The following REPS1 variants were observed in gnomAD, a reference collection of about 807,000 sequenced individuals.
The protein encoded by REPS1 is RALBP1 associated Eps domain containing 1, also known as ralBP1-associated Eps domain-containing protein 1.
Under a neutral mutation model 100.9 loss-of-function variants are expected in REPS1, and 39 were observed. The ratio of observed to expected loss-of-function variants is 0.39; its 90% CI spans 0.30 to 0.50. The LOEUF is 0.50. Among genes scored for constraint, REPS1 ranks in the 20% least tolerant of loss-of-function variants. The probability of loss-of-function intolerance (pLI) is 0.86; values close to 1 mark genes in which losing one functional copy is unlikely to be tolerated. For synonymous variants in REPS1, 324 were observed against 340.3 expected, an observed-to-expected ratio of 0.95 and a Z score of 0.53; for missense variants, 821 against 968.5, an observed-to-expected ratio of 0.85 and a Z score of 2.02.
chr6:138,912,651 T>G (rs574874078), intron 16 of REPS1, 114 bp downstream of exon 16: 1 of 983,748 alleles, frequency 1.0e-6, no homozygotes, highest in Admixed American at 1.9e-5. Context: ...TGAGAAGCAC[T>G]GACCCAGGGA....
At chr6:138,916,206 ATTTCTTTT>A (rs1477341736) in intron 13 of REPS1, 17 of 386,596 alleles carry the variant, frequency 4.4e-5, no homozygotes, top group African/African-American at 2.4e-4. Context: ...ATTAAGCAAA[ATTTCTTTT>A]TTTCTTTTTT....
At chr6:138,948,727 A>C (rs1782798405) in intron 1 of REPS1, among the ~76,000 whole-genome samples, 1 of 152,222 alleles carries the variant, frequency 6.6e-6, no homozygotes, top group South Asian at 2.1e-4. Flanking sequence ...AAATAACACA[A>C]ACTTTTGTAT....
At chr6:138,975,102 C>G (rs538605172) in intron 1 of REPS1, among the ~76,000 whole-genome samples, 1 of 152,270 alleles carries the variant, frequency 6.6e-6, no homozygotes, top group Non-Finnish European at 1.5e-5. Context: ...CTACTACTCT[C>G]AAGCTTTCAA....
intron 1 of REPS1, among the ~76,000 whole-genome samples, chr6:138,983,514 C>G (rs531421363): frequency 2.0e-5 from 3 of 151,974 alleles, no homozygotes; most frequent in Non-Finnish European, 4.4e-5. Flanking sequence ...AAGGTTGTTG[C>G]AAGAATCAAA....
chr6:138,973,935 C>A (rs1784466188), intron 1 of REPS1, among the ~76,000 whole-genome samples: 1 of 152,064 alleles, frequency 6.6e-6, no homozygotes, highest in Non-Finnish European at 1.5e-5. Flanking sequence ...CAAATATTCA[C>A]TACTGACAAT....
intron 9 of REPS1, chr6:138,928,114 G>T (rs1170814303): frequency 6.6e-6 from 1 of 152,202 alleles, no homozygotes; most frequent in Non-Finnish European, 1.5e-5. Context: ...TGGAATCCCA[G>T]TTACGCTGTG....
chr6:138,919,076 T>C (rs1416086552), intron 12 of REPS1, among the ~76,000 whole-genome samples: 1 of 152,210 alleles, frequency 6.6e-6, no homozygotes, highest in Admixed American at 6.5e-5. Context: ...GTTTAAAGCA[T>C]ATGAAACTGA....
At chr6:138,954,214 A>G (rs1044158709) in intron 1 of REPS1, among the ~76,000 whole-genome samples, 3 of 152,168 alleles carry the variant, frequency 2.0e-5, no homozygotes, top group Non-Finnish European at 4.4e-5. Context: ...AGATTTGTTA[A>G]GGGACACAAA....
Position 138,945,368 on chromosome 6 carries a change from G to T in REPS1, c.479C>A (p.Pro160His). 8.8e-6 allele frequency: 14 copies of T among 1,598,294 alleles called. No homozygotes were observed. The highest frequency in any genetic ancestry group is 1.2e-5 in the Non-Finnish European group (14 of 1,175,326). Residue 160 changes from proline to histidine, a missense_variant, in exon 4 of 20, where the codon CCT becomes CAT. Pro to His is a moderately conservative substitution (Grantham distance 77). Coordinates refer to ENST00000450536, the MANE Select transcript of REPS1 (RefSeq NM_001286611.2). Reference protein sequence around the residue: ...QPRTSADAQEPASPVVSPQQS... With the variant: ...QPRTSADAQEHASPVVSPQQS... ...CTGTGGTGAAACTACTGGGGATGCA[G>T]GTTCCTAGAAAAGAATATTATTTTA...
At chr6:138,944,144 T>C (rs1582793161) in intron 5 of REPS1, 129 bp from the exon 6 acceptor site, 1 of 769,426 alleles carries the variant, frequency 1.3e-6, no homozygotes, top group East Asian at 2.7e-5. Context: ...AAACCACACA[T>C]CTGTTACAGT....
chr6:138,923,044 A>AACC (rs1780882884), intron 10 of REPS1, among the ~76,000 whole-genome samples: 1 of 152,228 alleles, frequency 6.6e-6, no homozygotes, highest in Admixed American at 6.5e-5. Context: ...GGGTTCATGT[A>AACC]CTTAACCAAT....
intron 1 of REPS1, among the ~76,000 whole-genome samples, chr6:138,978,293 C>CT (rs548789057): frequency 0.11 from 15,513 of 142,168 alleles, 1,042 homozygotes; most frequent in East Asian, 0.22. Context: ...TTTTCCTTTT[C>CT]TTTTTTTTTT....
chr6:138,906,353 C>A (rs1413539022), intron 19 of REPS1, among the ~76,000 whole-genome samples: 1 of 152,154 alleles, frequency 6.6e-6, no homozygotes, highest in Non-Finnish European at 1.5e-5. Flanking sequence ...AAATGCCTAA[C>A]ATACTAGGTT....
At chr6:138,931,215 T>C (rs1198075570) in intron 8 of REPS1, among the ~76,000 whole-genome samples, 1 of 152,198 alleles carries the variant, frequency 6.6e-6, no homozygotes, top group East Asian at 1.9e-4. Context: ...TAAATAGACA[T>C]CCATATAATA....
chr6:138,938,219 T>C (rs1781986051), intron 8 of REPS1, among the ~76,000 whole-genome samples: 1 of 152,290 alleles, frequency 6.6e-6, no homozygotes, highest in South Asian at 2.1e-4. Flanking sequence ...CTATGAACCT[T>C]AGTAGTTCTA....
At chr6:138,960,711 T>C (rs1416613760) in intron 1 of REPS1, among the ~76,000 whole-genome samples, 4 of 152,206 alleles carry the variant, frequency 2.6e-5, no homozygotes, top group Non-Finnish European at 5.9e-5. Flanking sequence ...TTGATGATTA[T>C]TCTTCGATAC....
Position 138,945,348 on chromosome 6 carries a change from G to A in REPS1, c.499C>T (p.Pro167Ser), listed in dbSNP as rs141213635. The change falls in exon 4 of 20, where the codon CCA becomes TCA. Residue 167 changes from proline to serine, a missense_variant. This residue lies in a region of REPS1 where 757 missense variants were observed against 866.4 expected (regional missense o/e 0.87). Coordinates refer to ENST00000450536, the MANE Select transcript of REPS1 (RefSeq NM_001286611.2). The part of the protein sequence containing the change: ...AQEPASPVVS[P>S]QQSPPTSPHT... ...GGAGAAGTTGGTGGGGATTGCTGTG[G>A]TGAAACTACTGGGGATGCAGGTTCC... The A allele has an allele frequency of 3.1e-6, 5 of 1,611,134 alleles. No homozygotes were observed. Among genetic ancestry groups the A allele is most frequent in the African/African-American group, 1.3e-5 (1 of 74,788 alleles).
chr6:138,930,586 T>C (rs113504204), intron 8 of REPS1, among the ~76,000 whole-genome samples: 263 of 152,282 alleles, frequency 1.7e-3, no homozygotes, highest in African/African-American at 6.1e-3. Flanking sequence ...TAAGCTTTGT[T>C]TAAATCACTT....
intron 11 of REPS1, among the ~76,000 whole-genome samples, chr6:138,920,604 G>T (rs763671134): frequency 3.3e-5 from 5 of 152,090 alleles, no homozygotes; most frequent in Non-Finnish European, 5.9e-5. Context: ...AAACTGTAAA[G>T]TAAGTTAATT....
Sources: gnomAD v4.1 joint callset for allele counts (sites outside exome capture counted in the v4.1 genomes callset) on GRCh38, gnomAD v4.1.1 for gene constraint, gnomAD v4.1.1 regional missense constraint, MANE v1.5 for transcripts, NCBI Gene and HGNC (gene_info 2026-07-23, HGNC 2026-07-21) for gene names.